Variants in OVCH1 observed in about 807,000 individuals in gnomAD.
The protein encoded by OVCH1 is ovochymase-1.
OVCH1 carries 139 observed loss-of-function variants against 138.4 expected under a neutral mutation model. The ratio of observed to expected loss-of-function variants is 1.00; its 90% CI spans 0.87 to 1.16. OVCH1 has a LOEUF of 1.16. Among genes scored for constraint, OVCH1 ranks in the 50% most tolerant of loss-of-function variants. OVCH1 has a pLI of 0.00. For synonymous variants in OVCH1, 453 were observed against 467.8 expected (o/e 0.97, Z 0.41); for missense variants, 1,367 against 1,357.9 (o/e 1.01, Z -0.11).
intron 14 of OVCH1, among the ~76,000 whole-genome samples, 182 bp from the exon 15 acceptor site, chr12:29,473,285 C>T (rs1315939654): frequency 1.3e-5 from 2 of 152,126 alleles, no homozygotes. Context: ...ATCCCTGTTC[C>T]ATCTGGCTCT....
chr12:29,447,281 C>T (rs779820482), intron 22 of OVCH1, among the ~76,000 whole-genome samples: 2 of 151,938 alleles, frequency 1.3e-5, no homozygotes, highest in Non-Finnish European at 2.9e-5. Flanking sequence ...AATAGGGAGA[C>T]ACAGTCTTAA....
chr12:29,418,263 A>G (rs780687292), intron 3 of OVCH1, among the ~76,000 whole-genome samples: 6 of 152,250 alleles, frequency 3.9e-5, no homozygotes, highest in Non-Finnish European at 8.8e-5. Context: ...CTTTAGTTTC[A>G]GTAACCATTA....
At chr12:29,453,495 A>G (rs917103810) in intron 21 of OVCH1, among the ~76,000 whole-genome samples, 1 of 152,108 alleles carries the variant, frequency 6.6e-6, no homozygotes, top group Non-Finnish European at 1.5e-5. Flanking sequence ...ACACTTGATC[A>G]GTAGCAATAA....
At chr12:29,408,910 A>G (rs147230439), downstream of OVCH1, among the ~76,000 whole-genome samples, 46,999 of 151,994 alleles carry the variant, frequency 0.31, 8,581 homozygotes, top group Middle Eastern at 0.52. Context: ...TACCTCCAGT[A>G]GAATTTGGCT....
At chr12:29,484,106 G>GA (rs1303196061) in intron 8 of OVCH1, among the ~76,000 whole-genome samples, 1 of 152,134 alleles carries the variant, frequency 6.6e-6, no homozygotes, top group Non-Finnish European at 1.5e-5. Flanking sequence ...GATCACTTAA[G>GA]AAAATGAGAT....
At chr12:29,405,437 G>A in the OVCH1 span, among the ~76,000 whole-genome samples, 3 of 152,230 alleles carry the variant, frequency 2.0e-5, no homozygotes, top group Middle Eastern at 3.4e-3. Flanking sequence ...ACCTTTGCCT[G>A]TTATACCATG....
At chr12:29,414,016 CTCTCTTTTTTT>C (rs72487477) in intron 3 of OVCH1, among the ~76,000 whole-genome samples, 47,736 of 139,916 alleles carry the variant, frequency 0.34, 7,986 homozygotes, top group Admixed American at 0.49. Context: ...TCCTCTCTCT[CTCTCTTTTTTT>C]TTTTTTTTTT....
At chr12:29,403,010 C>A in the OVCH1 span, among the ~76,000 whole-genome samples, 1 of 152,162 alleles carries the variant, frequency 6.6e-6, no homozygotes, top group Admixed American at 6.5e-5. Context: ...TCAGTTACCT[C>A]CAGCCTTAAA....
At chr12:29,440,702 T>G (rs755879364) in intron 25 of OVCH1, 3 of 455,736 alleles carry the variant, frequency 6.6e-6, no homozygotes, top group South Asian at 4.7e-5. Flanking sequence ...TGGTGCTGAA[T>G]TGGCTTAGGA....
At chr12:29,411,464 T>C (rs539672535), downstream of OVCH1, among the ~76,000 whole-genome samples, 4 of 152,066 alleles carry the variant, frequency 2.6e-5, no homozygotes, top group African/African-American at 7.2e-5. Context: ...ATGATGGGGA[T>C]GTACAGATGG....
chr12:29,450,746 G>T (rs1565578939), intron 22 of OVCH1, among the ~76,000 whole-genome samples: 1 of 152,062 alleles, frequency 6.6e-6, no homozygotes, highest in African/African-American at 2.4e-5. Flanking sequence ...CTTCACAATA[G>T]CAAACACTTG....
At chr12:29,419,081 C>T (rs1249969679) in intron 3 of OVCH1, among the ~76,000 whole-genome samples, 3 of 152,036 alleles carry the variant, frequency 2.0e-5, no homozygotes, top group African/African-American at 7.2e-5. Flanking sequence ...TGATCTCAAA[C>T]TCCCAGCCCA....
downstream of OVCH1, among the ~76,000 whole-genome samples, chr12:29,426,486 C>A (rs114882371): frequency 4.1e-3 from 627 of 152,310 alleles, 5 homozygotes; most frequent in African/African-American, 0.014. Flanking sequence ...AAATCCTCCA[C>A]TAGCTCAAGA....
chr12:29,423,181 T>G (rs1462768430), downstream of OVCH1: 2 of 453,160 alleles, frequency 4.4e-6, no homozygotes, highest in Admixed American at 4.8e-5. Flanking sequence ...TCCTGAATCA[T>G]CTCTTCTAAA....
intron 5 of OVCH1, 64 bp from the exon 6 acceptor site, chr12:29,489,835 C>A: frequency 6.6e-7 from 1 of 1,512,968 alleles, no homozygotes; most frequent in Non-Finnish European, 9.0e-7. Context: ...AATGGGAAGT[C>A]TACAAGTTTG....
At chr12:29,406,336 T>A in the OVCH1 span, among the ~76,000 whole-genome samples, 1 of 152,122 alleles carries the variant, frequency 6.6e-6, no homozygotes, top group Admixed American at 6.6e-5. Flanking sequence ...ATACTTTAAG[T>A]TTTAGGGTAC....
chr12:29,486,350 T>C lies in OVCH1; in HGVS notation c.893-2A>G, dbSNP rs774237184. 51 of 1,606,612 alleles carry C rather than the reference T, an allele frequency of 3.2e-5. No homozygotes were observed. The highest frequency in any genetic ancestry group is 4.2e-5 in the Non-Finnish European group (49 of 1,173,924). ...AGAGGGGTTGGCCCCGATCCAAACC[T>C]GTAAAAGGTATAAGGAGTTAGTGCC... On this transcript the variant is annotated splice_acceptor_variant, in intron 7 of 27. Transcript: ENST00000318184. LOFTEE classifies it high-confidence loss of function.
At chr12:29,472,679 A>G (rs1390227410) in intron 15 of OVCH1, among the ~76,000 whole-genome samples, 1 of 152,226 alleles carries the variant, frequency 6.6e-6, no homozygotes, top group Non-Finnish European at 1.5e-5. Context: ...GCATAAGGAA[A>G]TTAAAAGATG....
chr12:29,490,035 G>T (rs1243900295), intron 5 of OVCH1, among the ~76,000 whole-genome samples: 3 of 152,038 alleles, frequency 2.0e-5, no homozygotes, highest in African/African-American at 7.2e-5. Flanking sequence ...CCCCAAAAGA[G>T]GAAAACTTTG....
Sources: allele counts gnomAD v4.1 joint callset (sites outside exome capture counted in the v4.1 genomes callset), GRCh38; gene constraint gnomAD v4.1.1; transcripts MANE v1.5; gene names NCBI Gene and HGNC (gene_info 2026-07-23, HGNC 2026-07-21).